Variants in VAMP7 observed in about 807,000 individuals in gnomAD.
VAMP7 encodes the protein vesicle associated membrane protein 7, also known as vesicle-associated membrane protein 7.
A neutral mutation model predicts 29.6 loss-of-function variants in VAMP7; 14 were observed. That is an observed-to-expected ratio of 0.47 (90% confidence interval 0.31 to 0.74). The LOEUF is 0.74. VAMP7 is among the 30% of genes least tolerant of loss of function. The pLI is 0.05. For synonymous variants in VAMP7, 95 were observed against 88.1 expected (o/e 1.08, Z -0.44); for missense variants, 223 against 262.4 (o/e 0.85, Z 1.04).
intron 5 of VAMP7, among the ~76,000 whole-genome samples, chrX:155,915,106 C>T (rs2066292081): frequency 6.6e-6 from 1 of 152,002 alleles, no homozygotes; most frequent in Non-Finnish European, 1.5e-5. Context: ...TGTATGTGTC[C>T]AGGAATTTAT....
At chrX:155,931,833 G>A (rs2066562440) in intron 6 of VAMP7, among the ~76,000 whole-genome samples, 1 of 152,028 alleles carries the variant, frequency 6.6e-6, no homozygotes, top group Non-Finnish European at 1.5e-5. Flanking sequence ...GGGTTTTTAT[G>A]GTTTTAGGTC....
chrX:155,930,769 G>C (rs1446652698), intron 6 of VAMP7, among the ~76,000 whole-genome samples: 17 of 151,018 alleles, frequency 1.1e-4, no homozygotes, highest in Non-Finnish European at 2.9e-5. Context: ...GTGCAGGTTT[G>C]TTACATATGT....
intron 6 of VAMP7, among the ~76,000 whole-genome samples, chrX:155,925,216 C>T (rs1252395291): frequency 2.6e-5 from 4 of 152,124 alleles, no homozygotes; most frequent in Admixed American, 1.3e-4. Flanking sequence ...TTGACTTCCT[C>T]CCACGAATCA....
chrX:155,907,915 C>T (rs1173820711), intron 5 of VAMP7, among the ~76,000 whole-genome samples: 1 of 151,806 alleles, frequency 6.6e-6, no homozygotes, highest in Non-Finnish European at 1.5e-5. Flanking sequence ...CCTCACCTCC[C>T]AGAAGGGGCG....
At chrX:155,915,419 T>C (rs2066297860) in intron 5 of VAMP7, among the ~76,000 whole-genome samples, 2 of 152,292 alleles carry the variant, frequency 1.3e-5, no homozygotes, top group South Asian at 4.2e-4. Context: ...TTGAATTTGT[T>C]TGCTCTTGCT....
intron 6 of VAMP7, among the ~76,000 whole-genome samples, chrX:155,935,653 C>A (rs1240357569): frequency 6.6e-6 from 1 of 152,084 alleles, no homozygotes; most frequent in Admixed American, 6.6e-5. Flanking sequence ...CAAACTTCCT[C>A]CTTTAGCTCA....
Position 155,941,923 on chromosome X carries a change from T to C in VAMP7, c.635T>C (p.Phe212Ser). The C allele has an allele frequency of 6.2e-7, 1 of 1,613,824 alleles. No homozygotes were observed. Among genetic ancestry groups the C allele is most frequent in the South Asian group, 1.1e-5 (1 of 91,046 alleles). Residue 212 changes from phenylalanine (F) to serine (S), a missense_variant, in exon 8 of 8, where the codon TTT becomes TCT. Physicochemically the swap from Phe to Ser is radical, Grantham distance 155. Coordinates refer to ENST00000286448, the MANE Select transcript of VAMP7 (RefSeq NM_005638.6). ...YIIVSPLCGG[F>S]TWPSCVKK ...ATTGTTTCACCTCTCTGTGGTGGAT[T>C]TACATGGCCAAGCTGTGTGAAGAAA...
chrX:155,900,703 GTTAA>G, intron 5 of VAMP7, 116 bp downstream of exon 5: 1 of 843,020 alleles, frequency 1.2e-6, no homozygotes, highest in South Asian at 1.8e-5. Flanking sequence ...ACCATTGGAA[GTTAA>G]TTGTCAGCTG....
intron 6 of VAMP7, among the ~76,000 whole-genome samples, chrX:155,926,232 T>C (rs1268727203): frequency 6.6e-6 from 1 of 152,206 alleles, no homozygotes; most frequent in Non-Finnish European, 1.5e-5. Context: ...TTGGCTTCTC[T>C]CTATGAAAGT....
At chrX:155,904,904 TATTATA>T (rs1362889673) in intron 5 of VAMP7, among the ~76,000 whole-genome samples, 3 of 84,252 alleles carry the variant, frequency 3.6e-5, no homozygotes, top group Non-Finnish European at 6.9e-5. Context: ...ATATATTATA[TATTATA>T]TATATATATA....
At chrX:155,936,834 A>C (rs1376200598) in intron 6 of VAMP7, among the ~76,000 whole-genome samples, 1 of 152,194 alleles carries the variant, frequency 6.6e-6, no homozygotes, top group South Asian at 2.1e-4. Flanking sequence ...AACAGGAATC[A>C]AAGGAAATTT....
At chrX:155,924,836 C>T (rs1218831679) in intron 6 of VAMP7, among the ~76,000 whole-genome samples, 2 of 152,162 alleles carry the variant, frequency 1.3e-5, no homozygotes, top group African/African-American at 4.8e-5. Context: ...AATTTACTGG[C>T]AATAGAACTT....
chrX:155,934,418 CTCT>C (rs1226594876), intron 6 of VAMP7, among the ~76,000 whole-genome samples: 1 of 152,148 alleles, frequency 6.6e-6, no homozygotes, highest in East Asian at 1.9e-4. Flanking sequence ...GGATAGTTAG[CTCT>C]TCTTGTTGAA....
intron 5 of VAMP7, among the ~76,000 whole-genome samples, chrX:155,913,238 ATTTG>A (rs1269976197): frequency 2.0e-5 from 3 of 151,958 alleles, no homozygotes; most frequent in African/African-American, 7.3e-5. Flanking sequence ...TTTCTTGTAA[ATTTG>A]TTTAAGTTCC....
chrX:155,922,612 T>C (rs1047242349), intron 6 of VAMP7, among the ~76,000 whole-genome samples: 5 of 152,078 alleles, frequency 3.3e-5, no homozygotes, highest in African/African-American at 1.2e-4. Context: ...TGCTATTGTT[T>C]TGTTCAGGAA....
chrX:155,933,300 C>T (rs1286322951), intron 6 of VAMP7, among the ~76,000 whole-genome samples: 1 of 152,150 alleles, frequency 6.6e-6, no homozygotes, highest in Non-Finnish European at 1.5e-5. Context: ...CCTTGTACCT[C>T]TGGTAGAATT....
intron 2 of VAMP7, among the ~76,000 whole-genome samples, chrX:155,891,207 G>A (rs1246798066): frequency 2.0e-5 from 3 of 152,220 alleles, no homozygotes; most frequent in Admixed American, 6.5e-5. Context: ...CTATGTAGTC[G>A]TAGGCTCAAC....
chrX:155,905,386 T>C (rs2066133351), intron 5 of VAMP7, among the ~76,000 whole-genome samples: 1 of 152,176 alleles, frequency 6.6e-6, no homozygotes, highest in Non-Finnish European at 1.5e-5. Flanking sequence ...TTTCATTTTC[T>C]TGATGGTGTT....
intron 3 of VAMP7, among the ~76,000 whole-genome samples, chrX:155,896,310 C>G (rs2065986684): frequency 1.3e-5 from 2 of 152,062 alleles, no homozygotes; most frequent in Non-Finnish European, 2.9e-5. Context: ...TCTTTGATAT[C>G]AAAACCTCTC....
Sources: allele counts gnomAD v4.1 joint callset (sites outside exome capture counted in the v4.1 genomes callset), GRCh38; gene constraint gnomAD v4.1.1; transcripts MANE v1.5; gene names NCBI Gene and HGNC (gene_info 2026-07-23, HGNC 2026-07-21).